The following TMEM117 variants were observed in gnomAD, a reference collection of about 807,000 sequenced individuals.
TMEM117 encodes transmembrane protein 117.
A neutral mutation model predicts 52.4 loss-of-function variants in TMEM117; 27 were observed. That is an observed-to-expected ratio of 0.51 (90% CI 0.38 to 0.71). The LOEUF (loss-of-function observed/expected upper bound fraction) is 0.71. Among genes scored for constraint, TMEM117 ranks in the 30% least tolerant of loss-of-function variants. TMEM117 has a pLI of 0.00. For synonymous variants in TMEM117, 215 were observed against 206.3 expected (o/e 1.04, Z -0.36); for missense variants, 556 against 630.5 (o/e 0.88, Z 1.26).
intron 5 of TMEM117, among the ~76,000 whole-genome samples, chr12:44,222,271 C>T (rs1472711147): frequency 1.3e-5 from 2 of 152,106 alleles, no homozygotes; most frequent in Non-Finnish European, 2.9e-5. Context: ...TGAATCCAGG[C>T]CTTTGCAGTC....
At chr12:44,311,635 CA>C (rs1342552078) in intron 6 of TMEM117, among the ~76,000 whole-genome samples, 2 of 150,884 alleles carry the variant, frequency 1.3e-5, no homozygotes, top group African/African-American at 2.4e-5. Flanking sequence ...AGAGGATTTT[CA>C]AAACAATTTT....
intron 3 of TMEM117, among the ~76,000 whole-genome samples, chr12:44,069,563 T>G (rs1947270094): frequency 6.6e-6 from 1 of 151,812 alleles, no homozygotes; most frequent in Non-Finnish European, 1.5e-5. Context: ...GGAGATGAGG[T>G]CAGAAAGTTC....
chr12:44,035,901 AG>A (rs1946702570), intron 3 of TMEM117, among the ~76,000 whole-genome samples: 1 of 152,200 alleles, frequency 6.6e-6, no homozygotes, highest in Non-Finnish European at 1.5e-5. Flanking sequence ...AGGACTGCTG[AG>A]GGCCCCTGAG....
At chr12:43,842,079 G>T (rs1943124707) in intron 1 of TMEM117, among the ~76,000 whole-genome samples, 1 of 151,964 alleles carries the variant, frequency 6.6e-6, no homozygotes, top group Admixed American at 6.5e-5. Context: ...TTGTAGTGGT[G>T]GTCTGTGGAC....
intron 4 of TMEM117, among the ~76,000 whole-genome samples, chr12:44,176,816 G>A (rs1292752575): frequency 6.6e-6 from 1 of 152,050 alleles, no homozygotes; most frequent in Non-Finnish European, 1.5e-5. Context: ...AATTGCTACT[G>A]GTGATGGAAA....
the TMEM117 span, among the ~76,000 whole-genome samples, chr12:43,817,395 G>T: frequency 6.6e-6 from 1 of 152,164 alleles, no homozygotes; most frequent in Non-Finnish European, 1.5e-5. Flanking sequence ...TGATTGAAAA[G>T]AATATATACA....
intron 5 of TMEM117, among the ~76,000 whole-genome samples, chr12:44,222,197 C>A (rs951407004): frequency 2.6e-5 from 4 of 152,106 alleles, no homozygotes; most frequent in Admixed American, 2.6e-4. Context: ...ACTCACCTAC[C>A]CCTCCCTTCA....
intron 3 of TMEM117, among the ~76,000 whole-genome samples, chr12:44,135,294 G>A (rs1229716758): frequency 1.3e-5 from 2 of 152,190 alleles, no homozygotes; most frequent in Non-Finnish European, 2.9e-5. Flanking sequence ...GATAATCCAA[G>A]ATGGGACCAC....
chr12:44,156,807 A>G (rs1268732931), intron 4 of TMEM117, among the ~76,000 whole-genome samples: 1 of 152,094 alleles, frequency 6.6e-6, no homozygotes, highest in Non-Finnish European at 1.5e-5. Flanking sequence ...TTTGGGTTGC[A>G]GCACCCCAAG....
chr12:44,074,560 G>A lies in TMEM117; in HGVS notation c.411-68965G>A, dbSNP rs571870676. Reference sequence around the variant, plus strand: ...TATATCTCTCAATTATAGATATAAAGCTCAGAGAGATACATAACTTCCGTA... The same window carrying A: ...TATATCTCTCAATTATAGATATAAAACTCAGAGAGATACATAACTTCCGTA... On this transcript the variant is annotated intron_variant, in intron 3 of 7. Transcript: ENST00000266534. 6.6e-5 allele frequency among the ~76,000 whole-genome samples: 10 copies of A among 152,284 alleles called. No individual in the cohort carries two copies. In the East Asian group the frequency reaches 1.9e-3, roughly 29 times the overall value.
intron 5 of TMEM117, among the ~76,000 whole-genome samples, chr12:44,243,859 AAGTG>A (rs1950095745): frequency 6.6e-6 from 1 of 151,790 alleles, no homozygotes; most frequent in African/African-American, 2.4e-5. Context: ...TTCCACACAT[AAGTG>A]AGTGAGACCA....
rs1949967565 is a variant in TMEM117, at chr12:44,234,241, G to T, written c.608+22854G>T. Among the ~76,000 whole-genome samples, 3 of 151,384 alleles carry T rather than the reference G, an allele frequency of 2.0e-5. No homozygotes were observed. The South Asian group carries it at 6.2e-4, about 31-fold the overall frequency. On this transcript the variant is annotated intron_variant, in intron 5 of 7. Coordinates refer to ENST00000266534, the MANE Select transcript of TMEM117 (RefSeq NM_032256.3). Reference sequence around the variant, plus strand: ...TTTGGGACAAGAGCTTTTTCTATGAGAAATTTTCTTTATTAATTATTCATT... The same window carrying T: ...TTTGGGACAAGAGCTTTTTCTATGATAAATTTTCTTTATTAATTATTCATT...
intron 3 of TMEM117, among the ~76,000 whole-genome samples, chr12:44,006,442 T>A (rs1212716055): frequency 6.6e-6 from 1 of 152,184 alleles, no homozygotes; most frequent in Non-Finnish European, 1.5e-5. Context: ...TTGAATCCTC[T>A]CTTGCTGTTA....
At chr12:43,835,297 C>T (rs1943009046), upstream of TMEM117, among the ~76,000 whole-genome samples, 1 of 152,162 alleles carries the variant, frequency 6.6e-6, no homozygotes, top group Admixed American at 6.5e-5. Context: ...ATTTAGGTAT[C>T]ATAGAATGAC....
chr12:44,307,780 A>C (rs1356401101), intron 6 of TMEM117, among the ~76,000 whole-genome samples: 4 of 152,222 alleles, frequency 2.6e-5, no homozygotes, highest in African/African-American at 9.6e-5. Context: ...AGTCCAGCCA[A>C]GTGGGTAGTC....
chr12:44,182,134 C>G lies in TMEM117; in HGVS notation c.511-29156C>G, dbSNP rs12304524. Among the ~76,000 whole-genome samples, 1,411 of 152,216 alleles carry G rather than the reference C, an allele frequency of 9.3e-3. 26 individuals are homozygous for G. The highest frequency in any genetic ancestry group is 0.032 in the African/African-American group (1,313 of 41,512). On this transcript the variant is annotated intron_variant, in intron 4 of 7. Transcript: ENST00000266534. Reference sequence around the variant, plus strand: ...GGAAGCAATTGTGAATGGGAGTTCACTCATGATTTGGCTCTCTGTTTGTCT... The same window carrying G: ...GGAAGCAATTGTGAATGGGAGTTCAGTCATGATTTGGCTCTCTGTTTGTCT...
At chr12:44,310,327 C>G (rs761417290) in intron 6 of TMEM117, among the ~76,000 whole-genome samples, 1 of 152,194 alleles carries the variant, frequency 6.6e-6, no homozygotes, top group Non-Finnish European at 1.5e-5. Flanking sequence ...CAGTGATTCT[C>G]ACTGTTATCT....
chr12:43,981,382 G>GT (rs1423136568), intron 3 of TMEM117, among the ~76,000 whole-genome samples: 1 of 152,188 alleles, frequency 6.6e-6, no homozygotes. Flanking sequence ...GACTTAATCT[G>GT]TATAGTGCTG....
the TMEM117 span, chr12:43,806,476 C>A: frequency 1.1e-6 from 1 of 873,388 alleles, no homozygotes; most frequent in Non-Finnish European, 1.4e-6. Flanking sequence ...TAGTTCTCTG[C>A]TTGGGGTCCT....
Sources: gnomAD v4.1 joint callset for allele counts (sites outside exome capture counted in the v4.1 genomes callset) on GRCh38, gnomAD v4.1.1 for gene constraint, MANE v1.5 for transcripts, NCBI Gene and HGNC (gene_info 2026-07-23, HGNC 2026-07-21) for gene names.